Variants in FSTL4 observed in about 807,000 individuals in gnomAD.
FSTL4 encodes the protein follistatin like 4.
Under a neutral mutation model 78.2 loss-of-function variants are expected in FSTL4, and 28 were observed. The observed-to-expected ratio is 0.36, with a 90% CI of 0.27 to 0.49. The LOEUF (loss-of-function observed/expected upper bound fraction) is 0.49. FSTL4 is among the 20% of genes least tolerant of loss of function. The probability of loss-of-function intolerance (pLI) is 0.98; values close to 1 mark genes in which losing one functional copy is unlikely to be tolerated. For missense variants in FSTL4, 922 were observed against 1,084.9 expected (o/e 0.85, Z 2.11); for synonymous variants, 422 against 440.5 (o/e 0.96, Z 0.53).
intron 6 of FSTL4, among the ~76,000 whole-genome samples, chr5:133,259,528 T>C (rs1386977968): frequency 1.3e-5 from 2 of 150,490 alleles, no homozygotes; most frequent in African/African-American, 4.9e-5. Flanking sequence ...CTTTTTTTTT[T>C]TTTTTTTTGA....
At chr5:133,293,347 T>C (rs1753312615) in intron 6 of FSTL4, among the ~76,000 whole-genome samples, 2 of 152,222 alleles carry the variant, frequency 1.3e-5, no homozygotes, top group Admixed American at 1.3e-4. Flanking sequence ...TAGTCCTCAC[T>C]CTTCCCTGTG....
chr5:133,264,061 T>G (rs1752592573), intron 6 of FSTL4, among the ~76,000 whole-genome samples: 1 of 152,072 alleles, frequency 6.6e-6, no homozygotes, highest in Non-Finnish European at 1.5e-5. Context: ...TGCCTGGAGG[T>G]ATTTTTGGTT....
rs1751066218 is a variant in FSTL4 at position 133,220,713 on chromosome 5, A to G, written c.1458+35T>C. On this transcript the variant is annotated intron_variant, in intron 12 of 15. Transcript: ENST00000265342. Reference sequence around the variant, plus strand: ...TAGACTTTTAGGATTTTGCCTGTGTATGATGTAGAAGCTGCCCCAGGCACA... The same window carrying G: ...TAGACTTTTAGGATTTTGCCTGTGTGTGATGTAGAAGCTGCCCCAGGCACA... 3 of 1,029,746 alleles carry G rather than the reference A, an allele frequency of 2.9e-6. No individual in the cohort carries two copies. In the Admixed American group the frequency reaches 5.1e-5, roughly 17 times the overall value. 63.8% of individuals were successfully genotyped at this position (1,029,746 alleles called of 1,614,324 possible). A position where few individuals can be genotyped will look rare whatever the true frequency, so the allele number is the denominator to read the frequency against.
the FSTL4 span, among the ~76,000 whole-genome samples, chr5:133,693,132 G>T: frequency 3.3e-5 from 5 of 152,156 alleles, no homozygotes; most frequent in Non-Finnish European, 7.3e-5. Context: ...CACCCTTCTG[G>T]GTGGACAGGG....
chr5:133,648,488 C>G, the FSTL4 span, among the ~76,000 whole-genome samples: 1 of 152,304 alleles, frequency 6.6e-6, no homozygotes, highest in South Asian at 2.1e-4. Context: ...CCATACCTGA[C>G]CCTCAGCAAG....
the FSTL4 span, among the ~76,000 whole-genome samples, chr5:133,706,719 C>T: frequency 1.3e-5 from 2 of 152,194 alleles, no homozygotes; most frequent in South Asian, 2.1e-4. Context: ...TTCCACGAGG[C>T]TCTTCCACCT....
chr5:133,697,320 C>T, the FSTL4 span, among the ~76,000 whole-genome samples: 2 of 152,164 alleles, frequency 1.3e-5, no homozygotes, highest in African/African-American at 4.8e-5. Flanking sequence ...CACGGCCCTG[C>T]CCAATTCAGC....
chr5:133,782,417 T>C, the FSTL4 span, among the ~76,000 whole-genome samples: 2 of 152,250 alleles, frequency 1.3e-5, no homozygotes, highest in African/African-American at 4.8e-5. Context: ...TGTCGTTTTC[T>C]GTCTGTCACC....
chr5:133,392,603 C>T (rs1755876641), intron 4 of FSTL4, among the ~76,000 whole-genome samples: 1 of 152,134 alleles, frequency 6.6e-6, no homozygotes, highest in Admixed American at 6.5e-5. Context: ...GAAGTGGAGA[C>T]AGCCAGTGCA....
In FSTL4 at chr5:133,270,564, C is replaced by A. The variant is rs549549608; in HGVS notation, c.728-20988G>T. ...AATTTGATAGGACGTGGGGGCAGTC[C>A]GCCTCCTCTGATGACAAAGTCCTGA... is the stretch of plus-strand genomic sequence containing the variant. On this transcript the variant is annotated intron_variant, in intron 6 of 15. Transcript: ENST00000265342. 9.9e-5 allele frequency among the ~76,000 whole-genome samples: 15 copies of A among 152,242 alleles called. No individual in the cohort carries two copies. The East Asian group carries it at 2.7e-3, about 27-fold the overall frequency.
intron 4 of FSTL4, among the ~76,000 whole-genome samples, chr5:133,330,127 G>A (rs547030812): frequency 6.6e-6 from 1 of 152,318 alleles, no homozygotes; most frequent in Non-Finnish European, 1.5e-5. Flanking sequence ...ACGTGTAGGT[G>A]CTGACATCTG....
At chr5:133,519,806 G>T (rs1245770652) in intron 3 of FSTL4, among the ~76,000 whole-genome samples, 1 of 152,184 alleles carries the variant, frequency 6.6e-6, no homozygotes, top group Non-Finnish European at 1.5e-5. Context: ...GAGAGCAAGG[G>T]CACTGAGCCT....
chr5:133,591,916 A>T (rs1247140710), intron 2 of FSTL4, among the ~76,000 whole-genome samples: 3 of 152,046 alleles, frequency 2.0e-5, no homozygotes, highest in Non-Finnish European at 2.9e-5. Context: ...TTCTTTGTAC[A>T]TGAGCATGTT....
At chr5:133,484,079 G>A (rs1258346789) in intron 3 of FSTL4, among the ~76,000 whole-genome samples, 1 of 152,182 alleles carries the variant, frequency 6.6e-6, no homozygotes, top group African/African-American at 2.4e-5. Context: ...ATACACCTCT[G>A]CCTAAGTAGG....
chr5:133,509,676 G>A (rs972957043), intron 3 of FSTL4, among the ~76,000 whole-genome samples: 4 of 152,214 alleles, frequency 2.6e-5, no homozygotes, highest in East Asian at 1.9e-4. Flanking sequence ...GTCCTTCAGC[G>A]AAGGACTGCA....
chr5:133,564,561 G>C (rs1030863563), intron 3 of FSTL4, among the ~76,000 whole-genome samples: 1 of 152,296 alleles, frequency 6.6e-6, no homozygotes, highest in South Asian at 2.1e-4. Flanking sequence ...ATGTGGGGAT[G>C]AAGAAGGCAG....
chr5:133,489,953 C>T (rs1758223243), intron 3 of FSTL4, among the ~76,000 whole-genome samples: 2 of 152,236 alleles, frequency 1.3e-5, no homozygotes, highest in South Asian at 4.1e-4. Context: ...CAACTCGTTC[C>T]TTTTGCCAGG....
At chr5:133,351,841 C>T (rs1754830277) in intron 4 of FSTL4, among the ~76,000 whole-genome samples, 1 of 152,132 alleles carries the variant, frequency 6.6e-6, no homozygotes, top group Non-Finnish European at 1.5e-5. Context: ...CTCCTGATCT[C>T]AGGTGATCCA....
At chr5:133,705,202 G>T in the FSTL4 span, among the ~76,000 whole-genome samples, 2 of 152,046 alleles carry the variant, frequency 1.3e-5, no homozygotes, top group African/African-American at 2.4e-5. Flanking sequence ...TGGGATTACT[G>T]GTACCTGCCA....
Sources: gnomAD v4.1 joint callset for allele counts (sites outside exome capture counted in the v4.1 genomes callset) on GRCh38, gnomAD v4.1.1 for gene constraint, MANE v1.5 for transcripts, NCBI Gene and HGNC (gene_info 2026-07-23, HGNC 2026-07-21) for gene names.